The following RBBP8 variants were observed in gnomAD, a reference collection of about 807,000 sequenced individuals.
RBBP8 encodes the protein DNA endonuclease RBBP8.
RBBP8 carries 88 observed loss-of-function variants against 108.3 expected under a neutral mutation model. That is an observed-to-expected ratio of 0.81 (90% CI 0.68 to 0.97). The LOEUF (loss-of-function observed/expected upper bound fraction) is 0.97. RBBP8 is among the 50% of genes least tolerant of loss of function. The pLI, the probability that RBBP8 is intolerant of heterozygous loss-of-function variation, is 0.00. For synonymous variants in RBBP8, 332 were observed against 348.2 expected (o/e 0.95, Z 0.52); for missense variants, 1,023 against 1,049.0 (o/e 0.98, Z 0.34).
At chr18:22,965,841 C>T (rs1439198637) in intron 4 of RBBP8, among the ~76,000 whole-genome samples, 1 of 152,216 alleles carries the variant, frequency 6.6e-6, no homozygotes, top group Non-Finnish European at 1.5e-5. Context: ...TGTCTAATAG[C>T]ATTTTCTGTG....
At chr18:22,973,833 T>C (rs1268590410) in intron 5 of RBBP8, among the ~76,000 whole-genome samples, 1 of 152,172 alleles carries the variant, frequency 6.6e-6, no homozygotes, top group Non-Finnish European at 1.5e-5. Flanking sequence ...CAAAGTAACC[T>C]CTTTCTCCTT....
At chr18:22,986,242 T>G (rs1207777327) in intron 8 of RBBP8, among the ~76,000 whole-genome samples, 1 of 152,154 alleles carries the variant, frequency 6.6e-6, no homozygotes, top group East Asian at 1.9e-4. Flanking sequence ...AATGATGTCC[T>G]TTAAGCCAAG....
intron 6 of RBBP8, among the ~76,000 whole-genome samples, chr18:22,981,132 A>G (rs919823695): frequency 2.0e-5 from 3 of 151,240 alleles, no homozygotes; most frequent in Non-Finnish European, 4.4e-5. Context: ...CACCACACCC[A>G]GCTAATTTTT....
At chr18:22,947,372 C>T (rs1911651300) in intron 3 of RBBP8, among the ~76,000 whole-genome samples, 1 of 151,848 alleles carries the variant, frequency 6.6e-6, no homozygotes, top group African/African-American at 2.4e-5. Context: ...TCCCCCCACC[C>T]CAGCCCCCAT....
intron 12 of RBBP8, 115 bp downstream of exon 12, chr18:22,993,962 G>A: frequency 9.2e-7 from 1 of 1,091,474 alleles, no homozygotes; most frequent in South Asian, 1.4e-5. Flanking sequence ...TCTTCCTTCA[G>A]GTGTCTGTAT....
intron 8 of RBBP8, 34 bp from the exon 9 acceptor site, chr18:22,989,187 T>C (rs373835162): frequency 6.8e-7 from 1 of 1,480,712 alleles, no homozygotes; most frequent in Non-Finnish European, 9.4e-7. Context: ...ATTGGTTTTA[T>C]TATTTATTAA....
In RBBP8 at chr18:22,997,721, A is replaced by G. The variant is rs200005111; in HGVS notation, c.2130A>G (p.Gly710=). 5.7e-6 allele frequency: 9 copies of G among 1,592,692 alleles called. No individual in the cohort carries two copies. The highest frequency in any genetic ancestry group is 7.7e-6 in the Non-Finnish European group (9 of 1,164,442). ...LLKMKKQEQK[G]EKSSNEERKM... is the part of the protein sequence containing the mutation. ...AAATGAAGAAGCAAGAGCAGAAGGG[A>G]GAAAAAAGTTCAAGTAAGATCTGTT... Residue 710 remains glycine (G), a synonymous_variant, in exon 14 of 19, where the codon GGA becomes GGG. Coordinates refer to ENST00000327155, the MANE Select transcript of RBBP8 (RefSeq NM_002894.3).
intron 16 of RBBP8, among the ~76,000 whole-genome samples, chr18:23,013,468 G>A (rs1399119561): frequency 6.6e-6 from 1 of 152,110 alleles, no homozygotes; most frequent in Non-Finnish European, 1.5e-5. Flanking sequence ...AGAATGTAGG[G>A]TCTGAAAAAT....
In RBBP8 at chr18:22,960,967, T is replaced by A. The variant is rs1913051111; in HGVS notation, c.249-7839T>A. Among the ~76,000 whole-genome samples, 4 of 152,350 alleles carry A rather than the reference T, an allele frequency of 2.6e-5. No homozygotes were observed. The South Asian group carries it at 8.3e-4, about 32-fold the overall frequency. On this transcript the variant is annotated intron_variant, in intron 4 of 18. Coordinates refer to ENST00000327155, the MANE Select transcript of RBBP8 (RefSeq NM_002894.3). Reference sequence around the variant, plus strand: ...TTAATGTGACTGATACAAGTATGTTTATTGATGATTCAAGTAACACTAACT... The same window carrying A: ...TTAATGTGACTGATACAAGTATGTTAATTGATGATTCAAGTAACACTAACT...
At chr18:22,934,593 T>A (rs1247037810) in intron 1 of RBBP8, among the ~76,000 whole-genome samples, 1 of 152,162 alleles carries the variant, frequency 6.6e-6, no homozygotes, top group Non-Finnish European at 1.5e-5. Flanking sequence ...TACATATGCA[T>A]ACATGTGCCA....
At chr18:22,927,670 AT>A (rs1483480272) in intron 3 of RBBP8, among the ~76,000 whole-genome samples, 2 of 152,212 alleles carry the variant, frequency 1.3e-5, no homozygotes, top group Non-Finnish European at 2.9e-5. Context: ...TTTAAATAAT[AT>A]TTTAGATAAA....
intron 18 of RBBP8, among the ~76,000 whole-genome samples, chr18:23,025,626 A>T (rs2046439810): frequency 6.6e-6 from 1 of 152,220 alleles, no homozygotes; most frequent in Non-Finnish European, 1.5e-5. Flanking sequence ...GTATAGAGGG[A>T]TTGTCATCTA....
chr18:22,972,992 CCTTTT>C (rs1914230710), intron 5 of RBBP8, among the ~76,000 whole-genome samples: 1 of 152,046 alleles, frequency 6.6e-6, no homozygotes, highest in African/African-American at 2.4e-5. Flanking sequence ...CGTGAAAGCG[CCTTTT>C]CTTGTGTCTA....
At chr18:22,977,809 C>CT (rs1320447642) in intron 6 of RBBP8, 3 of 152,120 alleles carry the variant, frequency 2.0e-5, no homozygotes, top group Admixed American at 6.5e-5. Flanking sequence ...AAGCAAGTCT[C>CT]TTCTCCTGTG....
At chr18:22,972,072 T>C (rs1016269107) in intron 5 of RBBP8, among the ~76,000 whole-genome samples, 25 of 150,858 alleles carry the variant, frequency 1.7e-4, no homozygotes, top group Non-Finnish European at 3.0e-4. Context: ...TCCAAAGAAT[T>C]AGGGCAGGCG....
chr18:22,940,706 G>A (rs1598639501), intron 2 of RBBP8, among the ~76,000 whole-genome samples: 1 of 151,992 alleles, frequency 6.6e-6, no homozygotes, highest in East Asian at 1.9e-4. Flanking sequence ...GAGTGCAGTG[G>A]CACAATCATG....
chr18:22,983,955 C>T (rs1220946262), intron 7 of RBBP8, among the ~76,000 whole-genome samples: 1 of 152,090 alleles, frequency 6.6e-6, no homozygotes, highest in Non-Finnish European at 1.5e-5. Flanking sequence ...GTGGCACACG[C>T]GTGCAGTCCC....
intron 2 of RBBP8, among the ~76,000 whole-genome samples, chr18:22,915,918 G>A (rs925740393): frequency 6.6e-6 from 1 of 152,010 alleles, no homozygotes; most frequent in African/African-American, 2.4e-5. Flanking sequence ...TATTTTGGGA[G>A]AGGATTTTAC....
At chr18:22,933,876 C>T (rs1210866257) in intron 1 of RBBP8, 1 of 152,276 alleles carries the variant, frequency 6.6e-6, no homozygotes, top group African/African-American at 2.4e-5. Context: ...TGGCCAGACC[C>T]GCACGCGGAA....
Sources: gnomAD v4.1 joint callset for allele counts (sites outside exome capture counted in the v4.1 genomes callset) on GRCh38, gnomAD v4.1.1 for gene constraint, MANE v1.5 for transcripts, NCBI Gene and HGNC (gene_info 2026-07-23, HGNC 2026-07-21) for gene names.